Variants in CNTN4 observed in about 807,000 individuals in gnomAD.
The protein encoded by CNTN4 is contactin-4.
CNTN4 carries 77 observed loss-of-function variants against 122.5 expected under a neutral mutation model. The ratio of observed to expected loss-of-function variants is 0.63; its 90% CI spans 0.52 to 0.76. The LOEUF is 0.76. Ranked by LOEUF, CNTN4 falls within the 30% of genes least tolerant of loss-of-function variation. The probability of loss-of-function intolerance (pLI) is 0.00; values close to 1 mark genes in which losing one functional copy is unlikely to be tolerated. For synonymous variants in CNTN4, 512 were observed against 447.0 expected (o/e 1.15, Z -1.83); for missense variants, 1,256 against 1,259.1 (o/e 1.00, Z 0.04).
chr3:2,414,998 A>G (rs1037451930), intron 3 of CNTN4, among the ~76,000 whole-genome samples: 1 of 152,218 alleles, frequency 6.6e-6, no homozygotes. Flanking sequence ...TTTCCTTTCC[A>G]TGTAAATCAT....
chr3:2,781,879 A>ACTG (rs1157086272), intron 6 of CNTN4, among the ~76,000 whole-genome samples: 1 of 117,170 alleles, frequency 8.5e-6, no homozygotes, highest in Non-Finnish European at 1.7e-5. Flanking sequence ...CGCCCGCACC[A>ACTG]CGCCCGGCTA....
intron 2 of CNTN4, among the ~76,000 whole-genome samples, chr3:2,184,002 C>T (rs567589173): frequency 2.2e-4 from 33 of 151,908 alleles, no homozygotes; most frequent in Non-Finnish European, 3.2e-4. Context: ...GACGTGGTCT[C>T]GCTCTGTCAC....
chr3:2,619,469 T>C (rs1576241910), intron 4 of CNTN4, among the ~76,000 whole-genome samples: 1 of 152,358 alleles, frequency 6.6e-6, no homozygotes, highest in African/African-American at 2.4e-5. Context: ...GGGGAAAATA[T>C]TTGCAGCCTC....
intron 14 of CNTN4, among the ~76,000 whole-genome samples, chr3:3,013,764 T>G (rs1025884685): frequency 6.6e-6 from 1 of 152,144 alleles, no homozygotes; most frequent in Non-Finnish European, 1.5e-5. Context: ...CTTGAGTAAA[T>G]GAATGATTTT....
chr3:2,368,900 T>G (rs2045521581), intron 3 of CNTN4, among the ~76,000 whole-genome samples: 1 of 152,116 alleles, frequency 6.6e-6, no homozygotes, highest in East Asian at 1.9e-4. Context: ...ATCCTAAGAC[T>G]AAAGCACAGA....
chr3:2,539,034 C>T (rs964104905), intron 3 of CNTN4, among the ~76,000 whole-genome samples: 63 of 151,992 alleles, frequency 4.1e-4, no homozygotes, highest in African/African-American at 1.4e-3. Context: ...TTCTTTTTAG[C>T]TTTAAGCTAT....
chr3:2,855,218 G>A (rs971434315), intron 7 of CNTN4, among the ~76,000 whole-genome samples: 4 of 152,142 alleles, frequency 2.6e-5, no homozygotes, highest in Non-Finnish European at 5.9e-5. Context: ...AATCACTGCT[G>A]GACTGCCATG....
chr3:2,369,955 A>G (rs373391192), intron 3 of CNTN4, among the ~76,000 whole-genome samples: 10 of 152,214 alleles, frequency 6.6e-5, no homozygotes, highest in African/African-American at 2.2e-4. Flanking sequence ...ACAATTGTCC[A>G]TATTGATACT....
intron 3 of CNTN4, among the ~76,000 whole-genome samples, chr3:2,424,246 T>C (rs1317030093): frequency 1.3e-4 from 14 of 111,608 alleles, no homozygotes; most frequent in East Asian, 6.8e-4. Context: ...CCCTGGTGTG[T>C]GATGTTCCTT....
chr3:2,272,035 T>A (rs912240871), intron 2 of CNTN4, among the ~76,000 whole-genome samples: 1 of 152,188 alleles, frequency 6.6e-6, no homozygotes, highest in East Asian at 1.9e-4. Context: ...TATTTCAGTA[T>A]GATTCTAAAT....
intron 4 of CNTN4, among the ~76,000 whole-genome samples, chr3:2,640,753 T>G (rs188044906): frequency 7.5e-4 from 115 of 152,320 alleles, no homozygotes; most frequent in African/African-American, 2.6e-3. Context: ...ATTCAAGCCT[T>G]GATGACAGAT....
At chr3:2,742,687 C>G (rs2089525696) in intron 5 of CNTN4, among the ~76,000 whole-genome samples, 1 of 152,138 alleles carries the variant, frequency 6.6e-6, no homozygotes, top group African/African-American at 2.4e-5. Flanking sequence ...TCAAATGATT[C>G]AGAAATCAGC....
chr3:2,825,641 A>C (rs2092971014), intron 7 of CNTN4, among the ~76,000 whole-genome samples: 1 of 152,148 alleles, frequency 6.6e-6, no homozygotes, highest in Non-Finnish European at 1.5e-5. Context: ...GTGAGCTATG[A>C]TCACACCACT....
intron 23 of CNTN4, among the ~76,000 whole-genome samples, chr3:3,047,579 C>T (rs340821): frequency 0.13 from 19,366 of 143,530 alleles, 1,795 homozygotes; most frequent in African/African-American, 0.27. Context: ...TTGAAACCAA[C>T]GAGAACAAAG....
rs568908397 is a variant in CNTN4, at chr3:2,894,215, A to T, written c.941-6470A>T. Among the ~76,000 whole-genome samples the T allele has an allele frequency of 2.0e-4, 30 of 152,300 alleles. 1 individual carries two copies. The East Asian group carries it at 5.8e-3, about 29-fold the overall frequency. On this transcript the variant is annotated intron_variant, in intron 10 of 24. Coordinates refer to ENST00000418658, the MANE Select transcript of CNTN4 (RefSeq NM_175607.3). ...CATGATATTTTGTTTTGATTGAAGTATATGAAGAAAATATGGTCTGACACA... is the reference window on the plus strand; with the variant it reads ...CATGATATTTTGTTTTGATTGAAGTTTATGAAGAAAATATGGTCTGACACA...
intron 14 of CNTN4, among the ~76,000 whole-genome samples, chr3:3,019,392 G>A (rs1698064084): frequency 6.6e-6 from 1 of 152,160 alleles, no homozygotes; most frequent in African/African-American, 2.4e-5. Flanking sequence ...CACCTCCTGA[G>A]TTCAAGCACT....
chr3:2,794,286 C>G (rs1216509153), intron 6 of CNTN4, among the ~76,000 whole-genome samples: 1 of 152,150 alleles, frequency 6.6e-6, no homozygotes, highest in African/African-American at 2.4e-5. Flanking sequence ...TGCAGCAGTT[C>G]TCAGGGTATG....
intron 3 of CNTN4, among the ~76,000 whole-genome samples, chr3:2,453,538 T>C (rs1364802901): frequency 6.6e-6 from 1 of 152,256 alleles, no homozygotes; most frequent in Middle Eastern, 3.4e-3. Context: ...CATGAGGAAC[T>C]TGAGGCTCAG....
intron 4 of CNTN4, among the ~76,000 whole-genome samples, chr3:2,620,937 T>C (rs983888523): frequency 1.3e-5 from 2 of 152,182 alleles, no homozygotes; most frequent in African/African-American, 4.8e-5. Context: ...GACACAAACC[T>C]AAACATGAAG....
Sources: allele counts gnomAD v4.1 joint callset (sites outside exome capture counted in the v4.1 genomes callset), GRCh38; gene constraint gnomAD v4.1.1; transcripts MANE v1.5; gene names NCBI Gene and HGNC (gene_info 2026-07-23, HGNC 2026-07-21).